GNA14: variants seen among roughly 807,000 people sequenced by gnomAD.
The protein encoded by GNA14 is G protein subunit alpha 14, also known as guanine nucleotide-binding protein subunit alpha-14.
Under a neutral mutation model 42.0 loss-of-function variants are expected in GNA14, and 50 were observed. The observed-to-expected ratio is 1.19, with a 90% CI of 0.95 to 1.51. The LOEUF (loss-of-function observed/expected upper bound fraction) is 1.51. Ranked by LOEUF, GNA14 falls within the 40% of genes most tolerant of loss-of-function variation. GNA14 has a pLI of 0.00. For synonymous variants in GNA14, 173 were observed against 163.1 expected, an observed-to-expected ratio of 1.06 and a Z score of -0.46; for missense variants, 473 against 446.2, an observed-to-expected ratio of 1.06 and a Z score of -0.54.
chr9:77,495,124 T>C (rs746985994), intron 2 of GNA14, among the ~76,000 whole-genome samples: 3 of 152,140 alleles, frequency 2.0e-5, no homozygotes, highest in Non-Finnish European at 2.9e-5. Flanking sequence ...TATTGGAAAC[T>C]CTTGCATCAT....
At chr9:77,467,072 CA>C (rs1331850986) in intron 2 of GNA14, among the ~76,000 whole-genome samples, 1 of 149,014 alleles carries the variant, frequency 6.7e-6, no homozygotes, top group African/African-American at 2.5e-5. Flanking sequence ...AGGGAGTTTA[CA>C]GTTTTGCTCC....
intron 1 of GNA14, among the ~76,000 whole-genome samples, chr9:77,532,494 G>A (rs113227455): frequency 3.2e-4 from 48 of 152,228 alleles, no homozygotes; most frequent in African/African-American, 1.0e-3. Context: ...AGGACCACAG[G>A]GACCAGTTTA....
intron 2 of GNA14, among the ~76,000 whole-genome samples, chr9:77,458,166 C>T (rs1479958735): frequency 6.6e-6 from 1 of 152,312 alleles, no homozygotes; most frequent in East Asian, 1.9e-4. Flanking sequence ...CTTCTCAGAG[C>T]GTATGTCCTG....
At chr9:77,455,803 G>A (rs1175806971) in intron 2 of GNA14, among the ~76,000 whole-genome samples, 1 of 152,134 alleles carries the variant, frequency 6.6e-6, no homozygotes, top group Non-Finnish European at 1.5e-5. Context: ...TTTAGCTAGT[G>A]GGAAGCTCAG....
At chr9:77,477,347 A>T (rs1836449427) in intron 2 of GNA14, among the ~76,000 whole-genome samples, 1 of 152,134 alleles carries the variant, frequency 6.6e-6, no homozygotes, top group African/African-American at 2.4e-5. Flanking sequence ...ATCATGTCTC[A>T]GAAAAAGAAA....
chr9:77,568,937 C>T (rs200649368), intron 1 of GNA14, among the ~76,000 whole-genome samples: 3 of 152,158 alleles, frequency 2.0e-5, no homozygotes, highest in East Asian at 1.9e-4. Flanking sequence ...TGTCATGCCA[C>T]GTCTGAGATC....
intron 2 of GNA14, among the ~76,000 whole-genome samples, chr9:77,460,409 A>G (rs1170217988): frequency 1.3e-5 from 2 of 152,196 alleles, no homozygotes; most frequent in Admixed American, 6.5e-5. Flanking sequence ...TCCAGGGGGA[A>G]CCAGCCCTGC....
intron 1 of GNA14, among the ~76,000 whole-genome samples, chr9:77,538,262 C>T (rs934789246): frequency 6.6e-6 from 1 of 152,002 alleles, no homozygotes; most frequent in African/African-American, 2.4e-5. Context: ...TTTATAGAGA[C>T]AGCATTTCAC....
intron 1 of GNA14, among the ~76,000 whole-genome samples, chr9:77,537,176 TTCTA>T (rs1837608410): frequency 6.6e-6 from 1 of 152,186 alleles, no homozygotes; most frequent in African/African-American, 2.4e-5. Flanking sequence ...AGCTTATTTC[TTCTA>T]TCTAACTGTA....
intron 1 of GNA14, among the ~76,000 whole-genome samples, chr9:77,644,609 G>A (rs1824326387): frequency 6.6e-6 from 1 of 152,148 alleles, no homozygotes; most frequent in African/African-American, 2.4e-5. Context: ...CTCCATAACT[G>A]TGAGAAAATT....
At chr9:77,588,677 A>G (rs1207666112) in intron 1 of GNA14, among the ~76,000 whole-genome samples, 2 of 152,230 alleles carry the variant, frequency 1.3e-5, no homozygotes, top group Non-Finnish European at 2.9e-5. Flanking sequence ...GCAGGTTAGC[A>G]CACATAGCAT....
rs181112391 is a variant in GNA14, at chr9:77,645,494, G to C, written c.124+2176C>G. Among the ~76,000 whole-genome samples, 179 of 152,248 alleles carry C rather than the reference G, an allele frequency of 1.2e-3. 1 individual carries two copies. Among genetic ancestry groups the C allele is most frequent in the African/African-American group, 3.8e-3 (157 of 41,558 alleles). ...GTGGTTTAGAAACTATTTTTCACAG[G>C]AAAGTTTTCACTAAGGGGATATGCT... On this transcript the variant is annotated intron_variant, in intron 1 of 6. Coordinates refer to ENST00000341700, the MANE Select transcript of GNA14 (RefSeq NM_004297.4).
chr9:77,596,770 C>T (rs772501847), intron 1 of GNA14, among the ~76,000 whole-genome samples: 8 of 152,206 alleles, frequency 5.3e-5, no homozygotes, highest in Non-Finnish European at 1.2e-4. Flanking sequence ...CCCCTCTGCT[C>T]ACTGAGATAA....
chr9:77,640,042 A>G (rs1824234009), intron 1 of GNA14, among the ~76,000 whole-genome samples: 1 of 152,226 alleles, frequency 6.6e-6, no homozygotes, highest in South Asian at 2.1e-4. Context: ...AGTCATGTCC[A>G]TGATACATGT....
chr9:77,514,698 C>T lies in GNA14; in HGVS notation c.309+14371G>A, dbSNP rs376915150. Among the ~76,000 whole-genome samples the T allele has an allele frequency of 9.6e-4, 145 of 151,500 alleles. 4 individuals are homozygous for T. In the Middle Eastern group the frequency reaches 0.048, roughly 50 times the overall value. On this transcript the variant is annotated intron_variant, in intron 2 of 6. Transcript: ENST00000341700. ...GTGCGATCTCGGCTCACTGCAAGCT[C>T]CGCCTCCCGGGTTCACGCCATTCTC...
Position 77,617,002 on chromosome 9 carries a change from T to C in GNA14, c.124+30668A>G, listed in dbSNP as rs1031881538. On this transcript the variant is annotated intron_variant, in intron 1 of 6. Coordinates refer to ENST00000341700, the MANE Select transcript of GNA14 (RefSeq NM_004297.4). The stretch of plus-strand genomic sequence containing the variant: ...CTCCTGCTTCAGCCTCCTGAGTCGC[T>C]GGGACTACAGGCACCCACCACCACG... Among the ~76,000 whole-genome samples the C allele has an allele frequency of 2.0e-5, 3 of 152,056 alleles. No homozygotes were observed. The East Asian group carries it at 5.8e-4, about 29-fold the overall frequency.
rs117651412 is a variant in GNA14 at position 77,460,345 on chromosome 9, C to T, written c.310-25823G>A. ...CAAGCCGAGGAACACCAAGGGTTGC[C>T]GGCCACCAGCAGCAGCTGGGAGAGA... On this transcript the variant is annotated intron_variant, in intron 2 of 6. Transcript: ENST00000341700. Among the ~76,000 whole-genome samples the T allele has an allele frequency of 3.0e-4, 46 of 152,286 alleles. No individual in the cohort carries two copies. In the East Asian group the frequency reaches 7.9e-3, roughly 26 times the overall value.
chr9:77,612,416 TAATCTG>T lies in GNA14; in HGVS notation c.124+35248_124+35253del, dbSNP rs1485292267. On this transcript the variant is annotated intron_variant, in intron 1 of 6. Transcript: ENST00000341700. ...CCTGCAGGGAAAGTAGCTCCAAACT[TAATCTG>T]TATCTTGTCAGGCCAAACACTTCTC... 2.6e-5 allele frequency among the ~76,000 whole-genome samples: 4 copies of T among 152,142 alleles called. No homozygotes were observed. In the South Asian group the frequency reaches 6.2e-4, roughly 24 times the overall value.
chr9:77,449,438 A>G (rs939324626), intron 2 of GNA14, among the ~76,000 whole-genome samples: 1 of 152,142 alleles, frequency 6.6e-6, no homozygotes, highest in African/African-American at 2.4e-5. Flanking sequence ...CTTCTTTATA[A>G]CTTCCTTAAG....
Sources: allele counts gnomAD v4.1 joint callset (sites outside exome capture counted in the v4.1 genomes callset), GRCh38; gene constraint gnomAD v4.1.1; transcripts MANE v1.5; gene names NCBI Gene and HGNC (gene_info 2026-07-23, HGNC 2026-07-21).